Variants in SPMIP7 observed in about 807,000 individuals in gnomAD.
SPMIP7 encodes protein SPMIP7.
At chr7:50,150,153 G>C in the SPMIP7 span, among the ~76,000 whole-genome samples, 1 of 152,166 alleles carries the variant, frequency 6.6e-6, no homozygotes, top group East Asian at 1.9e-4. Context: ...AAGGCTTTGT[G>C]TGGCTTACTG....
the SPMIP7 span, chr7:50,104,406 T>A: frequency 6.7e-7 from 1 of 1,494,824 alleles, no homozygotes; most frequent in South Asian, 1.3e-5. Flanking sequence ...GGAGGCAACA[T>A]GTACAGTAAG....
chr7:50,105,331 T>C, the SPMIP7 span, among the ~76,000 whole-genome samples: 1 of 152,200 alleles, frequency 6.6e-6, no homozygotes, highest in African/African-American at 2.4e-5. Context: ...TTTTATTACC[T>C]CAAGAAAACC....
At chr7:50,131,467 G>A in the SPMIP7 span, among the ~76,000 whole-genome samples, 4 of 152,186 alleles carry the variant, frequency 2.6e-5, no homozygotes, top group Non-Finnish European at 5.9e-5. Context: ...AGAGGCCTGG[G>A]CCAGAGAAAT....
At chr7:50,125,115 T>TATATATATATATATATATAC in the SPMIP7 span, among the ~76,000 whole-genome samples, 7 of 25,414 alleles carry the variant, frequency 2.8e-4, 1 homozygote, top group East Asian at 6.6e-3. Flanking sequence ...TATATATATA[T>TATATATATATATATATATAC]ACACACACAC....
At chr7:50,137,933 T>C in the SPMIP7 span, among the ~76,000 whole-genome samples, 4 of 152,286 alleles carry the variant, frequency 2.6e-5, no homozygotes, top group Admixed American at 2.6e-4. Flanking sequence ...AGTATCCCCT[T>C]CTAGTCTGTG....
the SPMIP7 span, among the ~76,000 whole-genome samples, chr7:50,117,889 G>A: frequency 2.0e-5 from 3 of 152,052 alleles, no homozygotes; most frequent in Admixed American, 6.5e-5. Flanking sequence ...ACAAAGAGGG[G>A]GACCCCCCAT....
chr7:50,106,273 G>A, the SPMIP7 span, among the ~76,000 whole-genome samples: 1 of 152,136 alleles, frequency 6.6e-6, no homozygotes, highest in Non-Finnish European at 1.5e-5. Context: ...TTTTTGAAGA[G>A]GCAACCAAAA....
chr7:50,150,843 A>G, the SPMIP7 span, among the ~76,000 whole-genome samples: 1 of 152,250 alleles, frequency 6.6e-6, no homozygotes, highest in African/African-American at 2.4e-5. Flanking sequence ...TGGTGGAGAA[A>G]AGAACAGGGA....
At chr7:50,158,840 C>A in the SPMIP7 span, among the ~76,000 whole-genome samples, 1 of 152,114 alleles carries the variant, frequency 6.6e-6, no homozygotes. Flanking sequence ...ACCCCCATCC[C>A]TAGCACCCAC....
the SPMIP7 span, chr7:50,151,329 A>C: frequency 2.3e-6 from 2 of 851,360 alleles, no homozygotes; most frequent in Non-Finnish European, 3.6e-6. Flanking sequence ...CATACAGGAA[A>C]AAAAAAATTA....
the SPMIP7 span, among the ~76,000 whole-genome samples, chr7:50,122,267 C>A: frequency 2.0e-5 from 3 of 151,886 alleles, no homozygotes; most frequent in Non-Finnish European, 4.4e-5. Context: ...CGCCGCATAT[C>A]TACAACTATC....
At chr7:50,095,947 C>A in the SPMIP7 span, 3 of 571,614 alleles carry the variant, frequency 5.2e-6, no homozygotes, top group Non-Finnish European at 8.2e-6. Flanking sequence ...AAATTATCTG[C>A]CAACATTTAG....
At chr7:50,104,427 G>A in the SPMIP7 span, 4,140 of 1,293,664 alleles carry the variant, frequency 3.2e-3, 19 homozygotes, top group Admixed American at 5.1e-3. Context: ...ATTTTCTTCT[G>A]GGTGGTGTTA....
the SPMIP7 span, among the ~76,000 whole-genome samples, chr7:50,155,686 G>C: frequency 2.4e-4 from 37 of 152,058 alleles, no homozygotes; most frequent in African/African-American, 8.2e-4. Context: ...ATGAAAAACT[G>C]TCCCCTACTG....
chr7:50,109,327 G>A, the SPMIP7 span, among the ~76,000 whole-genome samples: 5 of 151,746 alleles, frequency 3.3e-5, no homozygotes, highest in African/African-American at 1.2e-4. Context: ...TCCTTTAAGT[G>A]TCAGAGGCAG....
At chr7:50,134,151 C>G in the SPMIP7 span, 5 of 1,550,466 alleles carry the variant, frequency 3.2e-6, no homozygotes, top group Non-Finnish European at 3.5e-6. Flanking sequence ...ACCACCAAAA[C>G]TTGTTCCAGA....
At chr7:50,102,857 T>C in the SPMIP7 span, among the ~76,000 whole-genome samples, 2 of 151,522 alleles carry the variant, frequency 1.3e-5, no homozygotes, top group African/African-American at 2.4e-5. Context: ...ATTATAGTTT[T>C]TATAACTCTG....
chr7:50,118,470 G>A, the SPMIP7 span, among the ~76,000 whole-genome samples: 9 of 152,052 alleles, frequency 5.9e-5, no homozygotes, highest in African/African-American at 4.8e-5. Flanking sequence ...TTTCACTACC[G>A]GACTTTATTC....
At chr7:50,102,308 G>C in the SPMIP7 span, among the ~76,000 whole-genome samples, 1 of 152,112 alleles carries the variant, frequency 6.6e-6, no homozygotes, top group Admixed American at 6.5e-5. Context: ...TGGGCAACAG[G>C]GTGAGACTGT....
Sources: allele counts gnomAD v4.1 joint callset (sites outside exome capture counted in the v4.1 genomes callset), GRCh38; gene constraint gnomAD v4.1.1; transcripts MANE v1.5; gene names NCBI Gene and HGNC (gene_info 2026-07-23, HGNC 2026-07-21).